TSNARE1: variants seen among roughly 807,000 people sequenced by gnomAD.
TSNARE1 encodes the protein t-SNARE domain-containing protein 1.
TSNARE1 carries 49 observed loss-of-function variants against 62.0 expected under a neutral mutation model. That is an observed-to-expected ratio of 0.79 (90% CI 0.63 to 1.00). The LOEUF (loss-of-function observed/expected upper bound fraction) is 1.00. Ranked by LOEUF, TSNARE1 falls within the 50% of genes least tolerant of loss-of-function variation. TSNARE1 has a pLI of 0.00. For missense variants in TSNARE1, 755 were observed against 700.1 expected (o/e 1.08, Z -0.88); for synonymous variants, 328 against 294.4 (o/e 1.11, Z -1.17).
rs1300816621 is a variant in TSNARE1, at chr8:142,319,346, GC to G, written c.894-713del. Among the ~76,000 whole-genome samples, 2 of 152,020 alleles carry G rather than the reference GC, an allele frequency of 1.3e-5. No homozygotes were observed. On this transcript the variant is annotated intron_variant, in intron 6 of 13. Coordinates refer to ENST00000524325, the MANE Select transcript of TSNARE1 (RefSeq NM_145003.5). This position sits in a 1 kb window ranked among gnomAD's most constrained non-coding sequence, Gnocchi z 4.9. ...TCTGAGGGGTGCACACCTCTGAGGG[GC>G]CCCGGGTGAGACGGTTCTCACACCC...
chr8:142,256,367 T>TCACCAC (rs1818564772), intron 12 of TSNARE1, among the ~76,000 whole-genome samples: 2 of 113,236 alleles, frequency 1.8e-5, no homozygotes, highest in Non-Finnish European at 3.9e-5. Flanking sequence ...ATCACCACCA[T>TCACCAC]CATCACCACC....
intron 10 of TSNARE1, among the ~76,000 whole-genome samples, chr8:142,297,049 A>G (rs1197792950): frequency 6.6e-6 from 1 of 152,150 alleles, no homozygotes; most frequent in Non-Finnish European, 1.5e-5. Context: ...GAGGACAGAG[A>G]GCGACCTTCC....
intron 1 of TSNARE1, among the ~76,000 whole-genome samples, chr8:142,368,931 C>T (rs1330746979): frequency 1.1e-4 from 17 of 152,166 alleles, no homozygotes; most frequent in Admixed American, 9.8e-4. Context: ...TGCAGGAGTG[C>T]AAGAGAGGCA....
intron 4 of TSNARE1, among the ~76,000 whole-genome samples, chr8:142,341,194 G>A (rs1270805330): frequency 1.3e-5 from 2 of 152,170 alleles, no homozygotes; most frequent in East Asian, 3.9e-4. Context: ...GAGTTGAAGT[G>A]GCACAGTGGG....
chr8:142,342,476 G>A (rs1343651120), intron 4 of TSNARE1, among the ~76,000 whole-genome samples: 2 of 152,210 alleles, frequency 1.3e-5, no homozygotes, highest in East Asian at 3.9e-4. Flanking sequence ...GCCCACTGCA[G>A]CCCAGTGCTC....
intron 1 of TSNARE1, among the ~76,000 whole-genome samples, chr8:142,368,775 A>G (rs1835732220): frequency 6.6e-6 from 1 of 152,176 alleles, no homozygotes; most frequent in Non-Finnish European, 1.5e-5. Context: ...TCCCCTGAAG[A>G]ATAAAAGTCC....
chr8:142,247,826 C>T (rs1817962792), intron 12 of TSNARE1: 1 of 152,536 alleles, frequency 6.6e-6, no homozygotes, highest in South Asian at 2.1e-4. Context: ...GCCTCAGCCT[C>T]CCAAGTAGCT....
intron 12 of TSNARE1, chr8:142,270,396 T>C (rs1031196654): frequency 3.0e-6 from 3 of 985,164 alleles, no homozygotes; most frequent in Non-Finnish European, 2.4e-6. Flanking sequence ...CATTTTATGC[T>C]TATGTAAAAA....
chr8:142,273,520 ACCT>A, intron 12 of TSNARE1: 2 of 985,240 alleles, frequency 2.0e-6, no homozygotes, highest in Non-Finnish European at 2.4e-6. Context: ...CTTGCCTCTG[ACCT>A]CATCCTGCAG....
At chr8:142,217,348 AAAGAAAGAAAGAAAG>A (rs1815916312) in intron 13 of TSNARE1, among the ~76,000 whole-genome samples, 2 of 139,738 alleles carry the variant, frequency 1.4e-5, no homozygotes, top group African/African-American at 2.7e-5. Context: ...AGAAAGAAAG[AAAGAAAGAAAGAAAG>A]AAAGAAAGAA....
chr8:142,369,755 G>A (rs878907500), intron 1 of TSNARE1, among the ~76,000 whole-genome samples: 1 of 152,118 alleles, frequency 6.6e-6, no homozygotes, highest in Admixed American at 6.5e-5. Flanking sequence ...CAGTCAACCT[G>A]AAATTACCCA....
chr8:142,299,853 T>C (rs1825420813), intron 10 of TSNARE1, among the ~76,000 whole-genome samples: 3 of 152,360 alleles, frequency 2.0e-5, no homozygotes, highest in African/African-American at 4.8e-5. Flanking sequence ...AGATTAACCA[T>C]AGGCTAGAGA....
At chr8:142,293,954 T>C (rs913825715) in intron 10 of TSNARE1, among the ~76,000 whole-genome samples, 2 of 152,096 alleles carry the variant, frequency 1.3e-5, no homozygotes, top group African/African-American at 4.8e-5. Context: ...TTCTTTATCT[T>C]GGTCAAATAA....
At chr8:142,300,244 G>A (rs1413100108) in intron 10 of TSNARE1, 3 of 456,910 alleles carry the variant, frequency 6.6e-6, no homozygotes, top group Non-Finnish European at 1.2e-5. Context: ...AGAGGGCTGT[G>A]CCCTATTAGG....
rs771185783 is a variant in TSNARE1 at position 142,344,217 on chromosome 8, C to T, written c.494G>A (p.Ser165Asn). The T allele has an allele frequency of 8.7e-5, 140 of 1,613,464 alleles. No homozygotes were observed. The highest frequency in any genetic ancestry group is 1.1e-4 in the Non-Finnish European group (131 of 1,179,894). Residue 165 changes from serine to asparagine, a missense_variant, in exon 4 of 14, where the codon AGC (serine) becomes AAC (asparagine). By Grantham distance (46) the Ser-to-Asn change is conservative. Transcript: ENST00000524325. ...AEPTRRYRVW[S>N]RILQAVNALG... ...CGCATTCACGGCCTGCAGGATGCGGCTCCACACGCGGTACCTGCGAGTGGG... is the reference window on the plus strand; with the variant it reads ...CGCATTCACGGCCTGCAGGATGCGGTTCCACACGCGGTACCTGCGAGTGGG...
At chr8:142,265,461 G>A (rs956588687) in intron 12 of TSNARE1, among the ~76,000 whole-genome samples, 8 of 152,182 alleles carry the variant, frequency 5.3e-5, no homozygotes, top group African/African-American at 1.9e-4. Context: ...GAACTCCACT[G>A]TGTGGCCGTG....
intron 9 of TSNARE1, among the ~76,000 whole-genome samples, chr8:142,305,235 G>A (rs1826464671): frequency 6.6e-6 from 1 of 152,124 alleles, no homozygotes; most frequent in Non-Finnish European, 1.5e-5. Flanking sequence ...CAGGAGCTGT[G>A]GGCAGAGGGT....
chr8:142,382,283 T>A (rs1406837583), intron 1 of TSNARE1, among the ~76,000 whole-genome samples: 2 of 152,148 alleles, frequency 1.3e-5, no homozygotes, highest in Non-Finnish European at 2.9e-5. Context: ...CCCAGGCACC[T>A]CGTAGACCAC....
intron 12 of TSNARE1, among the ~76,000 whole-genome samples, chr8:142,258,923 G>A (rs1366560664): frequency 6.6e-6 from 1 of 152,182 alleles, no homozygotes; most frequent in Non-Finnish European, 1.5e-5. Context: ...AGAACAGAGG[G>A]GTGTCCAAGG....
Sources: gnomAD v4.1 joint callset for allele counts (sites outside exome capture counted in the v4.1 genomes callset) on GRCh38, gnomAD v4.1.1 for gene constraint, Gnocchi (gnomAD v3.1) non-coding constraint, MANE v1.5 for transcripts, NCBI Gene and HGNC (gene_info 2026-07-23, HGNC 2026-07-21) for gene names.